The following RERE variants were observed in gnomAD, a reference collection of about 807,000 sequenced individuals.
The protein encoded by RERE is arginine-glutamic acid dipeptide repeats protein.
RERE carries 40 observed loss-of-function variants against 146.1 expected under a neutral mutation model. The observed-to-expected ratio is 0.27, with a 90% CI of 0.21 to 0.36. RERE has a LOEUF of 0.36. Among genes scored for constraint, RERE ranks in the 10% least tolerant of loss-of-function variants. The pLI, the probability that RERE is intolerant of heterozygous loss-of-function variation, is 1.00. For synonymous variants in RERE, 1,003 were observed against 866.0 expected (o/e 1.16, Z -2.78); for missense variants, 1,933 against 2,138.7 (o/e 0.90, Z 1.90).
chr1:8,648,511 C>T (rs545933666), intron 2 of RERE, among the ~76,000 whole-genome samples: 1 of 152,312 alleles, frequency 6.6e-6, no homozygotes, highest in African/African-American at 2.4e-5. Flanking sequence ...GAATTACAGA[C>T]GTGAGCCACT....
intron 12 of RERE, among the ~76,000 whole-genome samples, chr1:8,379,825 A>G (rs990158597): frequency 1.3e-5 from 2 of 152,186 alleles, no homozygotes; most frequent in African/African-American, 4.8e-5. Flanking sequence ...TCCATTTAAC[A>G]CACAAGTTGA....
chr1:8,695,788 C>T (rs1381158781), intron 1 of RERE, among the ~76,000 whole-genome samples: 2 of 151,770 alleles, frequency 1.3e-5, no homozygotes, highest in African/African-American at 4.8e-5. Context: ...ACAAAGTAAA[C>T]AGACAACCTA....
At chr1:8,742,700 C>T (rs1222847408) in intron 1 of RERE, among the ~76,000 whole-genome samples, 1 of 151,836 alleles carries the variant, frequency 6.6e-6, no homozygotes, top group East Asian at 1.9e-4. Context: ...TAAAATTAGC[C>T]AGGCATGATG....
chr1:8,626,620 G>C (rs547117832), intron 2 of RERE, among the ~76,000 whole-genome samples: 1 of 152,262 alleles, frequency 6.6e-6, no homozygotes, highest in African/African-American at 2.4e-5. Context: ...CCAGCCCAGA[G>C]ATAACGTCCC....
In RERE at chr1:8,763,088, G is replaced by A. The variant is rs530495971; in HGVS notation, c.-145+54072C>T. On this transcript the variant is annotated intron_variant, in intron 1 of 22. Transcript: ENST00000400908. ...GCAATATATAGCAGGTTTAGAGGACGAAAATGAAAACAGAAGATTATTTCT... is the reference window on the plus strand; with the variant it reads ...GCAATATATAGCAGGTTTAGAGGACAAAAATGAAAACAGAAGATTATTTCT... 5.9e-5 allele frequency among the ~76,000 whole-genome samples: 9 copies of A among 152,236 alleles called. No homozygotes were observed. In the South Asian group the frequency reaches 1.7e-3, roughly 28 times the overall value.
chr1:8,494,958 G>A (rs930082106), intron 10 of RERE, 105 bp downstream of exon 10: 78 of 809,534 alleles, frequency 9.6e-5, no homozygotes, highest in Non-Finnish European at 1.6e-4. Context: ...ACTCACTCCT[G>A]AGTCTACAGG....
At chr1:8,655,939 A>C in intron 2 of RERE, 34 bp downstream of exon 2, 1 of 1,598,234 alleles carries the variant, frequency 6.3e-7, no homozygotes, top group Non-Finnish European at 8.5e-7. Flanking sequence ...CCCCACTGTA[A>C]ACATTGGCAA....
intron 4 of RERE, among the ~76,000 whole-genome samples, chr1:8,579,087 C>T (rs1201755044): frequency 6.6e-6 from 1 of 152,170 alleles, no homozygotes; most frequent in African/African-American, 2.4e-5. Flanking sequence ...AAGCACAAAG[C>T]TATGCCCCAC....
chr1:8,600,017 G>A (rs1360973890), intron 4 of RERE, among the ~76,000 whole-genome samples: 3 of 152,186 alleles, frequency 2.0e-5, no homozygotes, highest in East Asian at 1.9e-4. Flanking sequence ...AAGGACGGGG[G>A]CTGGGTGGAG....
chr1:8,408,516 T>C lies in RERE; in HGVS notation c.1284+14211A>G, dbSNP rs116457350. Among the ~76,000 whole-genome samples the C allele has an allele frequency of 5.0e-3, 753 of 151,980 alleles. 5 individuals carry two copies. The highest frequency in any genetic ancestry group is 0.018 in the African/African-American group (732 of 41,424). The stretch of plus-strand genomic sequence containing the variant: ...GGAAACTGGCAGGCCTTTTATATAG[T>C]GGGAGGGGTTCTTAAAACGACTACT... On this transcript the variant is annotated intron_variant, in intron 12 of 22. Transcript: ENST00000400908.
chr1:8,564,872 A>G (rs61783648), intron 4 of RERE, among the ~76,000 whole-genome samples: 43,716 of 100,548 alleles, frequency 0.43, 7,254 homozygotes, highest in African/African-American at 0.54. Flanking sequence ...GTGTGTGTGT[A>G]TATATATATA....
At chr1:8,795,355 A>C (rs751303034) in intron 1 of RERE, among the ~76,000 whole-genome samples, 4 of 151,400 alleles carry the variant, frequency 2.6e-5, no homozygotes, top group Non-Finnish European at 5.9e-5. Flanking sequence ...TAGGAGACAA[A>C]GTTTTCTACG....
intron 7 of RERE, among the ~76,000 whole-genome samples, chr1:8,515,209 T>C (rs900853573): frequency 1.3e-5 from 2 of 151,822 alleles, no homozygotes; most frequent in African/African-American, 4.8e-5. Flanking sequence ...AAATGTTTTT[T>C]TAATTAGCTG....
chr1:8,460,292 C>G (rs145665202), intron 11 of RERE, among the ~76,000 whole-genome samples: 228 of 152,294 alleles, frequency 1.5e-3, no homozygotes, highest in African/African-American at 5.1e-3. Context: ...ACAAAGGCAT[C>G]TGGAGATGCT....
At chr1:8,389,331 C>T (rs1642798547) in intron 12 of RERE, among the ~76,000 whole-genome samples, 1 of 152,166 alleles carries the variant, frequency 6.6e-6, no homozygotes, top group African/African-American at 2.4e-5. Flanking sequence ...TAAATACATA[C>T]ACGGGAGGTA....
At chr1:8,657,319 AAAAG>A (rs1190429509) in intron 1 of RERE, among the ~76,000 whole-genome samples, 4 of 146,486 alleles carry the variant, frequency 2.7e-5, no homozygotes, top group Non-Finnish European at 3.0e-5. Context: ...AAAAAAAAAA[AAAAG>A]AAGAAGAAAA....
chr1:8,769,272 A>G lies in RERE; in HGVS notation c.-145+47888T>C, dbSNP rs79253564. On this transcript the variant is annotated intron_variant, in intron 1 of 22. Transcript: ENST00000400908. The stretch of plus-strand genomic sequence containing the variant: ...AATTTCAAGGAAAAAACAAAAAACA[A>G]AAACAATCATATATAGAAGATTTAA... 2.0e-3 allele frequency among the ~76,000 whole-genome samples: 312 copies of G among 152,304 alleles called. 9 individuals are homozygous for G. The East Asian group carries it at 0.056, about 27-fold the overall frequency.
At chr1:8,666,841 C>T (rs1043570515) in intron 1 of RERE, among the ~76,000 whole-genome samples, 2 of 152,214 alleles carry the variant, frequency 1.3e-5, no homozygotes, top group African/African-American at 4.8e-5. Context: ...AAACCAACCA[C>T]ATAAGCAAAG....
chr1:8,556,122 A>G (rs1646003715), intron 6 of RERE, among the ~76,000 whole-genome samples: 1 of 152,146 alleles, frequency 6.6e-6, no homozygotes, highest in African/African-American at 2.4e-5. Flanking sequence ...AAATGCCAGG[A>G]TTACAGATGT....
Sources: allele counts gnomAD v4.1 joint callset (sites outside exome capture counted in the v4.1 genomes callset), GRCh38; gene constraint gnomAD v4.1.1; transcripts MANE v1.5; gene names NCBI Gene and HGNC (gene_info 2026-07-23, HGNC 2026-07-21).